The following CCDC171 variants were observed in gnomAD, a reference collection of about 807,000 sequenced individuals.
CCDC171 encodes coiled-coil domain-containing protein 171.
In CCDC171, 177 loss-of-function variants were observed where a neutral mutation model predicts 168.2. The observed-to-expected ratio is 1.05, with a 90% confidence interval of 0.93 to 1.19. The LOEUF (loss-of-function observed/expected upper bound fraction) is 1.19, where lower values mean the gene tolerates loss of function less well. Among genes scored for constraint, CCDC171 ranks in the 50% most tolerant of loss-of-function variants. CCDC171 has a pLI of 0.00. For missense variants in CCDC171, 1,991 were observed against 1,539.0 expected (o/e 1.29, Z -4.91); for synonymous variants, 687 against 540.8 (o/e 1.27, Z -3.75).
chr9:15,560,534 G>T (rs1055733950), intron 1 of CCDC171, among the ~76,000 whole-genome samples: 1 of 151,948 alleles, frequency 6.6e-6, no homozygotes, highest in Non-Finnish European at 1.5e-5. Flanking sequence ...ACTGAAGCTT[G>T]TGCATTCGTC....
chr9:15,799,403 C>G (rs2058712828), intron 21 of CCDC171, among the ~76,000 whole-genome samples: 1 of 151,154 alleles, frequency 6.6e-6, no homozygotes, highest in Non-Finnish European at 1.5e-5. Context: ...CTTTGTTTGT[C>G]TCTATGTAAT....
chr9:15,579,676 A>G (rs1039058302), intron 4 of CCDC171, among the ~76,000 whole-genome samples: 4 of 152,196 alleles, frequency 2.6e-5, no homozygotes, highest in African/African-American at 9.6e-5. Context: ...ACTGGTTTTT[A>G]ATAGTGTAGA....
At chr9:15,789,439 T>C (rs1262876361) in intron 21 of CCDC171, among the ~76,000 whole-genome samples, 2 of 152,090 alleles carry the variant, frequency 1.3e-5, no homozygotes, top group Non-Finnish European at 2.9e-5. Context: ...CATTAAGAAA[T>C]TGCTTAATAA....
chr9:15,564,764 A>C (rs1356190159), intron 2 of CCDC171, among the ~76,000 whole-genome samples: 1 of 152,262 alleles, frequency 6.6e-6, no homozygotes, highest in Non-Finnish European at 1.5e-5. Context: ...CAAAGAAATA[A>C]GTACTGAAAT....
intron 25 of CCDC171, among the ~76,000 whole-genome samples, chr9:15,932,494 G>A (rs1462234519): frequency 6.6e-6 from 1 of 151,680 alleles, no homozygotes; most frequent in Non-Finnish European, 1.5e-5. Flanking sequence ...TTTATTACTT[G>A]TAAAAGTTTT....
At chr9:15,864,835 T>C (rs933022840) in intron 23 of CCDC171, among the ~76,000 whole-genome samples, 1 of 152,046 alleles carries the variant, frequency 6.6e-6, no homozygotes. Flanking sequence ...AAAATTGAAA[T>C]GTGAAGAAGA....
chr9:15,996,009 G>A (rs1832358949), intron 3 of CCDC171, among the ~76,000 whole-genome samples: 1 of 152,188 alleles, frequency 6.6e-6, no homozygotes, highest in South Asian at 2.1e-4. Context: ...TGTTTCTTCA[G>A]GTCCTATACA....
At chr9:16,108,436 T>G in the CCDC171 span, among the ~76,000 whole-genome samples, 1 of 152,236 alleles carries the variant, frequency 6.6e-6, no homozygotes, top group Non-Finnish European at 1.5e-5. Flanking sequence ...ACCTAACTTC[T>G]ATTTCCCTTG....
chr9:15,777,578 CT>C, intron 18 of CCDC171, 21 bp from the exon 19 acceptor site: 10 of 1,512,250 alleles, frequency 6.6e-6, no homozygotes, highest in Non-Finnish European at 9.1e-6. Flanking sequence ...ATTTTTGTGC[CT>C]TTTTTTCTTT....
chr9:15,614,845 C>T (rs1228565103), intron 6 of CCDC171, among the ~76,000 whole-genome samples: 2 of 152,094 alleles, frequency 1.3e-5, no homozygotes, highest in African/African-American at 4.8e-5. Context: ...AGATATAATC[C>T]TTCCCCCTTC....
chr9:15,655,713 C>T (rs1311712540), intron 7 of CCDC171, among the ~76,000 whole-genome samples: 5 of 151,838 alleles, frequency 3.3e-5, no homozygotes, highest in South Asian at 2.1e-4. Context: ...CTCAGTAATA[C>T]GAAAATAAAC....
intron 21 of CCDC171, among the ~76,000 whole-genome samples, chr9:15,786,465 A>G (rs1391983061): frequency 6.6e-6 from 1 of 152,208 alleles, no homozygotes; most frequent in Non-Finnish European, 1.5e-5. Flanking sequence ...TTTTAAAAAT[A>G]TAGAAATATA....
At chr9:15,902,871 C>T (rs997421688) in intron 24 of CCDC171, among the ~76,000 whole-genome samples, 7 of 152,348 alleles carry the variant, frequency 4.6e-5, no homozygotes, top group Admixed American at 2.6e-4. Context: ...GCAAATGGCA[C>T]ACCAGGAGAT....
Position 15,664,660 on chromosome 9 carries a change from T to A in CCDC171, c.916-1503T>A, listed in dbSNP as rs146809814. Among the ~76,000 whole-genome samples, 250 of 151,530 alleles carry A rather than the reference T, an allele frequency of 1.6e-3. 2 individuals are homozygous for A. Among genetic ancestry groups the A allele is most frequent in the African/African-American group, 5.6e-3 (231 of 41,212 alleles). ...TTTGTTGGAATCTCTTGTTTATTCA[T>A]CCTATGGTTGGTGGACACAGGGAAT... On this transcript the variant is annotated intron_variant, in intron 8 of 25. Transcript: ENST00000380701.
chr9:16,081,778 A>G, the CCDC171 span, among the ~76,000 whole-genome samples: 2 of 152,120 alleles, frequency 1.3e-5, no homozygotes, highest in Non-Finnish European at 2.9e-5. Context: ...GTAGGTTTGC[A>G]TGGGGAAAAC....
intron 25 of CCDC171, among the ~76,000 whole-genome samples, chr9:15,921,515 C>T (rs1475598303): frequency 6.6e-6 from 1 of 151,450 alleles, no homozygotes; most frequent in African/African-American, 2.4e-5. Flanking sequence ...ATGTAGGTTC[C>T]ATAAAGAAAG....
intron 6 of CCDC171, among the ~76,000 whole-genome samples, chr9:15,599,335 G>A (rs970051089): frequency 5.9e-5 from 9 of 152,096 alleles, no homozygotes; most frequent in African/African-American, 2.2e-4. Context: ...CTCTTTTAGG[G>A]CAGGCCTGGT....
intron 1 of CCDC171, 41 bp from the exon 2 acceptor site, chr9:15,563,937 C>T (rs940992498): frequency 1.8e-5 from 11 of 610,714 alleles, no homozygotes; most frequent in Non-Finnish European, 2.9e-5. Flanking sequence ...CCAATAGTAT[C>T]AGGACTCAAA....
At chr9:15,963,023 G>A (rs970814209) in intron 25 of CCDC171, among the ~76,000 whole-genome samples, 3 of 151,500 alleles carry the variant, frequency 2.0e-5, no homozygotes, top group African/African-American at 7.3e-5. Flanking sequence ...GTATTATATG[G>A]TTGTCATACT....
Sources: gnomAD v4.1 joint callset for allele counts (sites outside exome capture counted in the v4.1 genomes callset) on GRCh38, gnomAD v4.1.1 for gene constraint, MANE v1.5 for transcripts, NCBI Gene and HGNC (gene_info 2026-07-23, HGNC 2026-07-21) for gene names.